Variants in MLF2 observed in about 807,000 individuals in gnomAD.
MLF2 encodes the protein myeloid leukemia factor 2, also known as myelodysplasia-myeloid leukemia factor 2.
MLF2 carries 12 observed loss-of-function variants against 31.4 expected under a neutral mutation model. That is an observed-to-expected ratio of 0.38 (90% CI 0.24 to 0.62). The LOEUF is 0.62. Ranked by LOEUF, MLF2 falls within the 20% of genes least tolerant of loss-of-function variation. The pLI is 0.58. For synonymous variants in MLF2, 109 were observed against 118.8 expected, an observed-to-expected ratio of 0.92 and a Z score of 0.54; for missense variants, 272 against 359.7, an observed-to-expected ratio of 0.76 and a Z score of 1.97.
At chr12:6,751,701 A>G in intron 3 of MLF2, 25 bp from the exon 4 acceptor site, 1 of 1,613,660 alleles carries the variant, frequency 6.2e-7, no homozygotes, top group Non-Finnish European at 8.5e-7. Context: ...GAGGAACAGA[A>G]ATTAGAGACC....
In MLF2 at chr12:6,751,641, C is replaced by G; in HGVS notation, c.216G>C (p.Met72Ile). 6.2e-7 allele frequency: 1 copy of G among 1,613,894 alleles called. No homozygotes were observed. Among genetic ancestry groups the G allele is most frequent in the African/African-American group, 1.3e-5 (1 of 75,002 alleles). Residue 72 changes from methionine to isoleucine, a missense_variant and splice_region_variant, in exon 4 of 9, where the codon ATG becomes ATC. Transcript: ENST00000203630. Reference sequence around the variant, plus strand: ...AGGACACAGGGAGATAAAGACTCACCATTCCCAGCATCCCAAAGGGGGAGA... The same window carrying G: ...AGGACACAGGGAGATAAAGACTCACGATTCCCAGCATCCCAAAGGGGGAGA... ...GAVSPFGMLG[M>I]SGGFMDMFGM...
rs887149846 is a variant in MLF2 at position 6,748,307 on chromosome 12, G to C, written c.*266C>G. 1 of 153,168 alleles carries C rather than the reference G, an allele frequency of 6.5e-6. No homozygotes were observed. Among genetic ancestry groups the C allele is most frequent in the Non-Finnish European group, 1.5e-5 (1 of 68,424 alleles). 9.5% of individuals were successfully genotyped at this position (153,168 alleles called of 1,614,324 possible). ...GGAGTAGGATGGGAAAGGTGAGGGG[G>C]TTTGAAGATGGAGTGGCAGAATGAA... On this transcript the variant is annotated 3_prime_UTR_variant, in exon 9 of 9. Transcript: ENST00000203630. The surrounding 1 kb of genome is among the most constrained non-coding windows in gnomAD (Gnocchi z 4.6).
rs764707918 is a variant in MLF2 at position 6,750,144 on chromosome 12, C to T, written c.399+33G>A. On this transcript the variant is annotated intron_variant, in intron 6 of 8. Transcript: ENST00000203630. The surrounding 1 kb of genome is among the most constrained non-coding windows in gnomAD (Gnocchi z 5.3). ...TTTCTGGCGGTGCCGCTCAATCCTA[C>T]CTTCTCTGGGACAGGAGGGCTCCCC... 6.2e-7 allele frequency: 1 copy of T among 1,613,958 alleles called. No individual in the cohort carries two copies. The highest frequency in any genetic ancestry group is 8.5e-7 in the Non-Finnish European group (1 of 1,179,992).
Position 6,750,591 on chromosome 12 carries a change from A to G in MLF2, c.270+122T>C. On this transcript the variant is annotated intron_variant, in intron 5 of 8. Transcript: ENST00000203630. The surrounding 1 kb of genome is among the most constrained non-coding windows in gnomAD (Gnocchi z 5.3). ...CAGGGTCCCAAGGCTCTCTGGTTCA[A>G]TTACTTTATCCAGTACTTTACCCTT... 8.2e-7 allele frequency: 1 copy of G among 1,213,392 alleles called. No individual in the cohort carries two copies. The highest frequency in any genetic ancestry group is 1.3e-5 in the South Asian group (1 of 75,194). 75.2% of individuals were successfully genotyped at this position (1,213,392 alleles called of 1,614,324 possible). A position where few individuals can be genotyped will look rare whatever the true frequency, so the allele number is the denominator to read the frequency against.
In MLF2 at chr12:6,749,929, T is replaced by C; in HGVS notation, c.478A>G (p.Arg160Gly). The C allele has an allele frequency of 6.2e-7, 1 of 1,614,222 alleles. No individual in the cohort carries two copies. Among genetic ancestry groups the C allele is most frequent in the Non-Finnish European group, 8.5e-7 (1 of 1,180,034 alleles). Reference sequence around the variant, plus strand: ...CGGGAGCGCTGGAGGATGTGAGCCCTGTCCCGGATGTGATGCCCAATGGAC... The same window carrying C: ...CGGGAGCGCTGGAGGATGTGAGCCCCGTCCCGGATGTGATGCCCAATGGAC... ...QMSIGHHIRD[R>G]AHILQRSRNH... is the part of the protein sequence containing the mutation. Residue 160 changes from arginine (R) to glycine (G), a missense_variant, in exon 7 of 9, where the codon AGG (arginine) becomes GGG (glycine). Physicochemically the swap from Arg to Gly is moderately radical, Grantham distance 125. Coordinates refer to ENST00000203630, the MANE Select transcript of MLF2 (RefSeq NM_001382226.1). This position sits in a 1 kb window ranked among gnomAD's most constrained non-coding sequence, Gnocchi z 5.3.
chr12:6,748,921 A>T lies in MLF2; in HGVS notation c.621T>A (p.Arg207=), dbSNP rs1270094787. The T allele has an allele frequency of 6.2e-7, 1 of 1,602,490 alleles. No individual in the cohort carries two copies. Among genetic ancestry groups the T allele is most frequent in the Non-Finnish European group, 8.5e-7 (1 of 1,175,054 alleles). The change falls in exon 8 of 9, where the codon CGT becomes CGA. Residue 207 remains arginine, a synonymous_variant. Transcript: ENST00000203630. This position sits in a 1 kb window ranked among gnomAD's most constrained non-coding sequence, Gnocchi z 4.6. ...ACTCAAGCCGCCGAAACTCCAGGGG[A>T]CGCTGCTGCCGGAATCGGGAGGTCT... ...RRETSRFRQQ[R]PLEFRRLESS... is the part of the protein sequence containing the mutation.
chr12:6,749,629 T>C lies in MLF2; in HGVS notation c.559+219A>G, dbSNP rs1941579816. 1.3e-5 allele frequency among the ~76,000 whole-genome samples: 2 copies of C among 151,632 alleles called. No individual in the cohort carries two copies. Among genetic ancestry groups the C allele is most frequent in the South Asian group, 4.1e-4 (2 of 4,820 alleles). ...ACACGGGAGGCTGAGGCAGGAGAAT[T>C]GCTTAAACCCGGGAGGCGGAGGTTG... On this transcript the variant is annotated intron_variant, in intron 7 of 8. Coordinates refer to ENST00000203630, the MANE Select transcript of MLF2 (RefSeq NM_001382226.1). This position sits in a 1 kb window ranked among gnomAD's most constrained non-coding sequence, Gnocchi z 5.3.
Position 6,748,703 on chromosome 12 carries a change from C to A in MLF2, c.*25+67G>T. ...AAGGCAGCTCCTGCGGGAGCCTGAA[C>A]TGAGCCTGCCTTGCAGCCGAGGACC... On this transcript the variant is annotated intron_variant, in intron 8 of 8. Coordinates refer to ENST00000203630, the MANE Select transcript of MLF2 (RefSeq NM_001382226.1). This position sits in a 1 kb window ranked among gnomAD's most constrained non-coding sequence, Gnocchi z 4.6. 8 of 1,280,462 alleles carry A rather than the reference C, an allele frequency of 6.2e-6. No homozygotes were observed. The highest frequency in any genetic ancestry group is 8.4e-6 in the Non-Finnish European group (8 of 952,310). The allele number at this position is 1,280,462 out of a possible 1,614,324, so 79.3% of individuals were successfully genotyped here.
rs1305898892 is a variant in MLF2 at position 6,748,437 on chromosome 12, C to T, written c.*136G>A. On this transcript the variant is annotated 3_prime_UTR_variant, in exon 9 of 9. Coordinates refer to ENST00000203630, the MANE Select transcript of MLF2 (RefSeq NM_001382226.1). This position sits in a 1 kb window ranked among gnomAD's most constrained non-coding sequence, Gnocchi z 4.6. Reference sequence around the variant, plus strand: ...GCCGTGAAAGGTTCTCCCTGAGACCCCCAGGGAGAGGTGGGGGCCGGCTTG... The same window carrying T: ...GCCGTGAAAGGTTCTCCCTGAGACCTCCAGGGAGAGGTGGGGGCCGGCTTG... The T allele has an allele frequency of 2.6e-5, 5 of 193,884 alleles. No individual in the cohort carries two copies. The highest frequency in any genetic ancestry group is 5.2e-5 in the Non-Finnish European group (5 of 95,838). The allele number at this position is 193,884 out of a possible 1,614,324, so 12.0% of individuals were successfully genotyped here.
At chr12:6,751,221 CTT>C (rs58891397) in intron 4 of MLF2, 1,166 of 191,448 alleles carry the variant, frequency 6.1e-3, no homozygotes, top group South Asian at 0.014. Context: ...AACATCTTTT[CTT>C]TTTTTTTTTT....
chr12:6,749,702 A>T lies in MLF2; in HGVS notation c.559+146T>A. On this transcript the variant is annotated intron_variant, in intron 7 of 8. Coordinates refer to ENST00000203630, the MANE Select transcript of MLF2 (RefSeq NM_001382226.1). This position sits in a 1 kb window ranked among gnomAD's most constrained non-coding sequence, Gnocchi z 5.3. ...TGCACTCCAGCCTGGGCACCTGGGCAACAAGAGCGAGACTCCATCTCAAAA... is the reference window on the plus strand; with the variant it reads ...TGCACTCCAGCCTGGGCACCTGGGCTACAAGAGCGAGACTCCATCTCAAAA... The T allele has an allele frequency of 8.7e-7, 1 of 1,150,318 alleles. No homozygotes were observed. Among genetic ancestry groups the T allele is most frequent in the Non-Finnish European group, 1.2e-6 (1 of 815,136 alleles). 71.3% of individuals were successfully genotyped at this position (1,150,318 alleles called of 1,614,324 possible).
Position 6,752,656 on chromosome 12 carries a change from C to T in MLF2, c.-29+283G>A. ...CCGGTAGCATACTCTCCCCTCCTCCCGCCGACGACACCGTTCTAGATGAGA... is the reference window on the plus strand; with the variant it reads ...CCGGTAGCATACTCTCCCCTCCTCCTGCCGACGACACCGTTCTAGATGAGA... On this transcript the variant is annotated intron_variant, in intron 1 of 8. Transcript: ENST00000203630. This position sits in a 1 kb window ranked among gnomAD's most constrained non-coding sequence, Gnocchi z 4.6. 1 of 288,018 alleles carries T rather than the reference C, an allele frequency of 3.5e-6. No individual in the cohort carries two copies. Among genetic ancestry groups the T allele is most frequent in the Non-Finnish European group, 6.7e-6 (1 of 150,208 alleles). The allele number at this position is 288,018 out of a possible 1,614,324, so 17.8% of individuals were successfully genotyped here. A position where few individuals can be genotyped will look rare whatever the true frequency, so the allele number is the denominator to read the frequency against.
intron 3 of MLF2, 117 bp from the exon 4 acceptor site, chr12:6,751,793 T>C: frequency 4.5e-6 from 7 of 1,552,198 alleles, no homozygotes; most frequent in Non-Finnish European, 6.2e-6. Flanking sequence ...CACAAAGCCC[T>C]TTTTCCTGAC....
At position 6,749,758 on chromosome 12, in the gene MLF2, G is replaced by T; in HGVS notation, c.559+90C>A. 3 of 1,476,972 alleles carry T rather than the reference G, an allele frequency of 2.0e-6. No homozygotes were observed. The highest frequency in any genetic ancestry group is 1.9e-6 in the Non-Finnish European group (2 of 1,075,536). The allele number at this position is 1,476,972 out of a possible 1,614,324, so 91.5% of individuals were successfully genotyped here. On this transcript the variant is annotated intron_variant, in intron 7 of 8. Transcript: ENST00000203630. This position sits in a 1 kb window ranked among gnomAD's most constrained non-coding sequence, Gnocchi z 5.3. Reference sequence around the variant, plus strand: ...AAAAAAGGAATATGGGGCTGACCCAGAGCTTTGCCCCAGAAGTGTCTATGT... The same window carrying T: ...AAAAAAGGAATATGGGGCTGACCCATAGCTTTGCCCCAGAAGTGTCTATGT...
chr12:6,749,831 C>A lies in MLF2; in HGVS notation c.559+17G>T. 6.2e-7 allele frequency: 1 copy of A among 1,612,940 alleles called. No homozygotes were observed. ...GGGTTAGGGGCTGCCAGCCAGGAAG[C>A]GGGAGGGAAGGCTCACTCTCATCCA... On this transcript the variant is annotated intron_variant, in intron 7 of 8. Coordinates refer to ENST00000203630, the MANE Select transcript of MLF2 (RefSeq NM_001382226.1). This position sits in a 1 kb window ranked among gnomAD's most constrained non-coding sequence, Gnocchi z 5.3.
chr12:6,752,284 C>T lies in MLF2; in HGVS notation c.50+1G>A. 1 of 1,561,004 alleles carries T rather than the reference C, an allele frequency of 6.4e-7. No individual in the cohort carries two copies. The highest frequency in any genetic ancestry group is 8.7e-7 in the Non-Finnish European group (1 of 1,151,646). On this transcript the variant is annotated splice_donor_variant, in intron 2 of 8. Transcript: ENST00000203630. LOFTEE classifies it high-confidence loss of function. This position sits in a 1 kb window ranked among gnomAD's most constrained non-coding sequence, Gnocchi z 4.6. ...GAGCTTGAGGGGGAGGGAATACTCA[C>T]ATCAGGAACATGGGATCCTCAGGCT...
At chr12:6,751,873 T>C (rs1941620139) in intron 3 of MLF2, 52 bp downstream of exon 3, 5 of 1,607,966 alleles carry the variant, frequency 3.1e-6, no homozygotes, top group Non-Finnish European at 4.3e-6. Flanking sequence ...AGTGCTTTCC[T>C]AACTAACCTC....
chr12:6,748,932 G>A lies in MLF2; in HGVS notation c.610C>T (p.Arg204Trp), dbSNP rs973096788. ...DEWRRETSRF[R>W]QQRPLEFRRL... is the part of the protein sequence containing the mutation. ...CGAAACTCCAGGGGACGCTGCTGCC[G>A]GAATCGGGAGGTCTCCCGCCGCCAC... Residue 204 changes from arginine to tryptophan, a missense_variant, in exon 8 of 9, where the codon CGG becomes TGG. Arg to Trp is a moderately radical substitution (Grantham distance 101). Transcript: ENST00000203630. This position sits in a 1 kb window ranked among gnomAD's most constrained non-coding sequence, Gnocchi z 4.6. 7.5e-6 allele frequency: 12 copies of A among 1,601,776 alleles called. No individual in the cohort carries two copies. The highest frequency in any genetic ancestry group is 2.3e-5 in the East Asian group (1 of 43,464).
chr12:6,748,763 T>TA lies in MLF2; in HGVS notation c.*25+6dup, dbSNP rs1455567830. The TA allele has an allele frequency of 3.3e-6, 5 of 1,494,600 alleles. No individual in the cohort carries two copies. The highest frequency in any genetic ancestry group is 3.5e-6 in the Non-Finnish European group (4 of 1,128,452). 92.6% of individuals were successfully genotyped at this position (1,494,600 alleles called of 1,614,324 possible). A position where few individuals can be genotyped will look rare whatever the true frequency, so the allele number is the denominator to read the frequency against. On this transcript the variant is annotated splice_region_variant and intron_variant, in intron 8 of 8. Transcript: ENST00000203630. This position sits in a 1 kb window ranked among gnomAD's most constrained non-coding sequence, Gnocchi z 4.6. ...TGCACCCCACCCTCCTTACTCCTGA[T>TA]ACTTACAAGAGAGGCTGAGGGCCCG...
Sources: gnomAD v4.1 joint callset for allele counts (sites outside exome capture counted in the v4.1 genomes callset) on GRCh38, gnomAD v4.1.1 for gene constraint, Gnocchi (gnomAD v3.1) non-coding constraint, MANE v1.5 for transcripts, NCBI Gene and HGNC (gene_info 2026-07-23, HGNC 2026-07-21) for gene names.